Variants in ITPR1 observed in about 807,000 individuals in gnomAD.
ITPR1 encodes inositol 1,4,5-trisphosphate receptor type 1, also known as inositol 1,4,5-trisphosphate-gated calcium channel ITPR1.
ITPR1 carries 96 observed loss-of-function variants against 318.4 expected under a neutral mutation model. The ratio of observed to expected loss-of-function variants is 0.30; its 90% CI spans 0.26 to 0.36. ITPR1 has a LOEUF of 0.36. ITPR1 is among the 10% of genes least tolerant of loss of function. ITPR1 has a pLI of 1.00. For missense variants in ITPR1, 2,440 were observed against 3,460.2 expected (o/e 0.71, Z 7.40); for synonymous variants, 1,312 against 1,289.9 (o/e 1.02, Z -0.37).
intron 4 of ITPR1, among the ~76,000 whole-genome samples, chr3:4,545,691 CTTTTTT>C (rs71623167): frequency 1.9e-5 from 2 of 103,402 alleles, no homozygotes; most frequent in Non-Finnish European, 3.9e-5. Flanking sequence ...AGTATGCAAA[CTTTTTT>C]TTTTTTTTTT....
chr3:4,706,736 C>T (rs2094765882), intron 37 of ITPR1, among the ~76,000 whole-genome samples: 1 of 152,042 alleles, frequency 6.6e-6, no homozygotes, highest in African/African-American at 2.4e-5. Flanking sequence ...GGTGGTGATA[C>T]CTGAGAGAAG....
intron 4 of ITPR1, among the ~76,000 whole-genome samples, chr3:4,580,743 G>T (rs1008781278): frequency 6.6e-6 from 1 of 152,168 alleles, no homozygotes; most frequent in South Asian, 2.1e-4. Context: ...TGAGCAAGCC[G>T]CAGAGGCTGT....
intron 4 of ITPR1, 77 bp downstream of exon 4, chr3:4,521,171 G>T (rs1020885438): frequency 2.2e-6 from 2 of 915,592 alleles, no homozygotes; most frequent in Non-Finnish European, 3.5e-6. Context: ...GTGTGTGTGT[G>T]TGTTTATAAG....
chr3:4,569,854 A>G (rs2087795336), intron 4 of ITPR1, among the ~76,000 whole-genome samples: 3 of 152,228 alleles, frequency 2.0e-5, no homozygotes, highest in Admixed American at 1.3e-4. Context: ...TGTTGAATGC[A>G]TTTATGCATA....
chr3:4,572,363 C>T (rs983102836), intron 4 of ITPR1, among the ~76,000 whole-genome samples: 4 of 151,994 alleles, frequency 2.6e-5, no homozygotes, highest in African/African-American at 9.7e-5. Flanking sequence ...ATTTAAATGT[C>T]GGAATCAAAT....
intron 23 of ITPR1, among the ~76,000 whole-genome samples, 182 bp from the exon 24 acceptor site, chr3:4,676,432 G>A (rs1447117419): frequency 6.6e-6 from 1 of 152,154 alleles, no homozygotes; most frequent in East Asian, 1.9e-4. Context: ...TGATCTTTCT[G>A]TTGCTCTCAG....
At chr3:4,688,880 G>C (rs2094438290) in intron 31 of ITPR1, among the ~76,000 whole-genome samples, 1 of 152,200 alleles carries the variant, frequency 6.6e-6, no homozygotes, top group African/African-American at 2.4e-5. Context: ...TCCTAGTCAA[G>C]TCCTTCATTG....
chr3:4,497,472 G>A (rs2080682712), intron 2 of ITPR1, among the ~76,000 whole-genome samples: 1 of 152,156 alleles, frequency 6.6e-6, no homozygotes, highest in South Asian at 2.1e-4. Flanking sequence ...TCAGTTGGTG[G>A]GAGGCAGCCA....
At chr3:4,526,506 G>A (rs1389484428) in intron 4 of ITPR1, among the ~76,000 whole-genome samples, 2 of 152,198 alleles carry the variant, frequency 1.3e-5, no homozygotes, top group Non-Finnish European at 2.9e-5. Context: ...GTGATGGCAG[G>A]ACAAGATGAG....
At position 4,680,699 on chromosome 3, in the gene ITPR1, A is replaced by AC; in HGVS notation, c.3106+8_3106+9insC. 2.5e-6 allele frequency: 4 copies of AC among 1,604,106 alleles called. No individual in the cohort carries two copies. The South Asian group carries it at 4.4e-5, about 18-fold the overall frequency. On this transcript the variant is annotated intron_variant, in intron 25 of 61. Transcript: ENST00000649015. ...GGCCAAGTAATGTACCAGGTTAGTG[A>AC]TTCAGAATGGAATTTCAGCCATAGA...
intron 46 of ITPR1, among the ~76,000 whole-genome samples, chr3:4,769,869 T>C (rs766446946): frequency 3.3e-5 from 5 of 152,242 alleles, no homozygotes; most frequent in Non-Finnish European, 7.3e-5. Flanking sequence ...TCCGCTTCTT[T>C]CTTCCGAATG....
intron 45 of ITPR1, 49 bp from the exon 46 acceptor site, chr3:4,768,461 AG>A (rs1237026349): frequency 9.1e-6 from 14 of 1,538,014 alleles, no homozygotes; most frequent in Non-Finnish European, 1.1e-5. Context: ...AGTGGTGAAT[AG>A]GGCCCATGAG....
intron 44 of ITPR1, among the ~76,000 whole-genome samples, chr3:4,740,190 A>C (rs1211191282): frequency 2.6e-5 from 4 of 151,726 alleles, no homozygotes; most frequent in Non-Finnish European, 5.9e-5. Context: ...CCTCACCACC[A>C]CCCCCATTAT....
At chr3:4,756,198 A>G (rs768843614) in intron 44 of ITPR1, among the ~76,000 whole-genome samples, 1 of 152,182 alleles carries the variant, frequency 6.6e-6, no homozygotes, top group Non-Finnish European at 1.5e-5. Context: ...ACTTGAGAGG[A>G]GGGTCTGACA....
chr3:4,640,855 T>A (rs2093321697), intron 6 of ITPR1, among the ~76,000 whole-genome samples: 1 of 152,196 alleles, frequency 6.6e-6, no homozygotes, highest in Non-Finnish European at 1.5e-5. Flanking sequence ...AACTTTCGTT[T>A]ATAAACAAAC....
intron 4 of ITPR1, among the ~76,000 whole-genome samples, chr3:4,608,135 TC>T (rs2125093707): frequency 6.6e-6 from 1 of 152,258 alleles, no homozygotes; most frequent in South Asian, 2.1e-4. Context: ...GATCAGATCC[TC>T]CCCACTGCTA....
At chr3:4,658,346 G>A in intron 13 of ITPR1, 68 bp downstream of exon 13, 2 of 1,357,628 alleles carry the variant, frequency 1.5e-6, no homozygotes, top group South Asian at 2.8e-5. Flanking sequence ...CAGGTTTCTT[G>A]GAATCCAAAT....
At position 4,688,513 on chromosome 3, in the gene ITPR1, C is replaced by A; in HGVS notation, c.3721C>A (p.Gln1241Lys). The A allele has an allele frequency of 6.2e-7, 1 of 1,613,978 alleles. No individual in the cohort carries two copies. The highest frequency in any genetic ancestry group is 8.5e-7 in the Non-Finnish European group (1 of 1,179,848). ...PYEKAEDTKMQEIMRLAHEFL... is the reference protein window; with the variant it reads ...PYEKAEDTKMKEIMRLAHEFL... ...CACACAGGCCGAAGATACCAAGATG[C>A]AAGAGATAATGAGGTTGGCTCATGA... The change falls in exon 31 of 62, where the codon CAA (glutamine) becomes AAA (lysine). Residue 1241 changes from glutamine to lysine, a missense_variant. Coordinates refer to ENST00000649015, the MANE Select transcript of ITPR1 (RefSeq NM_001378452.1).
intron 4 of ITPR1, among the ~76,000 whole-genome samples, chr3:4,574,187 A>G (rs1288483053): frequency 1.3e-5 from 2 of 151,740 alleles, no homozygotes; most frequent in Admixed American, 6.6e-5. Flanking sequence ...GGGAAAGTAT[A>G]GATGCCTTAT....
Sources: gnomAD v4.1 joint callset for allele counts (sites outside exome capture counted in the v4.1 genomes callset) on GRCh38, gnomAD v4.1.1 for gene constraint, MANE v1.5 for transcripts, NCBI Gene and HGNC (gene_info 2026-07-23, HGNC 2026-07-21) for gene names.